WWTR1: variants seen among roughly 807,000 people sequenced by gnomAD.
WWTR1 encodes WW domain containing transcription regulator 1, also known as WW domain-containing transcription regulator protein 1.
In WWTR1, 13 loss-of-function variants were observed where a neutral mutation model predicts 40.1. That is an observed-to-expected ratio of 0.32 (90% CI 0.21 to 0.52). The LOEUF (loss-of-function observed/expected upper bound fraction) is 0.52. WWTR1 is among the 20% of genes least tolerant of loss of function. The pLI is 0.97. For synonymous variants in WWTR1, 230 were observed against 210.1 expected (o/e 1.09, Z -0.82); for missense variants, 436 against 523.1 (o/e 0.83, Z 1.63).
At chr3:149,589,095 C>A (rs895414522) in intron 2 of WWTR1, among the ~76,000 whole-genome samples, 2 of 152,190 alleles carry the variant, frequency 1.3e-5, no homozygotes, top group Admixed American at 6.5e-5. Flanking sequence ...CTGCCCTCTC[C>A]TTGGGCAGAT....
chr3:149,602,783 GC>G (rs1330012482), intron 2 of WWTR1, among the ~76,000 whole-genome samples: 2 of 152,034 alleles, frequency 1.3e-5, no homozygotes, highest in African/African-American at 4.8e-5. Flanking sequence ...TCCTGCCTCA[GC>G]CTCCCGAGTT....
At chr3:149,545,986 A>T (rs1450606278) in intron 3 of WWTR1, among the ~76,000 whole-genome samples, 1 of 152,222 alleles carries the variant, frequency 6.6e-6, no homozygotes, top group Non-Finnish European at 1.5e-5. Flanking sequence ...AGTGTACTGT[A>T]TTACTGAAAG....
chr3:149,645,566 C>A (rs1364228646), intron 2 of WWTR1, among the ~76,000 whole-genome samples: 1 of 152,088 alleles, frequency 6.6e-6, no homozygotes, highest in African/African-American at 2.4e-5. Flanking sequence ...AAAACAAACC[C>A]CAAAATAAAT....
In WWTR1 at chr3:149,520,709, A is replaced by C; in HGVS notation, c.*96T>G. 8.6e-7 allele frequency: 1 copy of C among 1,160,096 alleles called. No individual in the cohort carries two copies. The highest frequency in any genetic ancestry group is 1.2e-6 in the Non-Finnish European group (1 of 865,770). The allele number at this position is 1,160,096 out of a possible 1,614,324, so 71.9% of individuals were successfully genotyped here. A position where few individuals can be genotyped will look rare whatever the true frequency, so the allele number is the denominator to read the frequency against. ...GGGAGCACGAGTCATGGAGGCGGGA[A>C]GTGGTGCACCTGCAGACTTGCTCTG... On this transcript the variant is annotated 3_prime_UTR_variant, in exon 7 of 7. Transcript: ENST00000360632.
chr3:149,619,884 G>A (rs978919006), intron 2 of WWTR1, among the ~76,000 whole-genome samples: 10 of 152,062 alleles, frequency 6.6e-5, no homozygotes, highest in Admixed American at 5.2e-4. Flanking sequence ...CAATGGTCTC[G>A]TTCTCTCAGG....
At chr3:149,676,820 C>T (rs1211003649) in intron 1 of WWTR1, among the ~76,000 whole-genome samples, 1 of 151,862 alleles carries the variant, frequency 6.6e-6, no homozygotes, top group African/African-American at 2.4e-5. Context: ...TAGTGAAAGT[C>T]AGCAAAAGAG....
chr3:149,564,628 C>T (rs529534266), intron 3 of WWTR1, among the ~76,000 whole-genome samples: 5 of 151,940 alleles, frequency 3.3e-5, no homozygotes, highest in Non-Finnish European at 7.4e-5. Flanking sequence ...ACTTACTCAA[C>T]ACATTTATTC....
intron 1 of WWTR1, among the ~76,000 whole-genome samples, chr3:149,687,876 C>T (rs750169530): frequency 6.6e-6 from 1 of 152,022 alleles, no homozygotes; most frequent in Non-Finnish European, 1.5e-5. Context: ...AACCCACTGT[C>T]CTGAAGGGAG....
intron 2 of WWTR1, among the ~76,000 whole-genome samples, chr3:149,594,200 T>G (rs778438629): frequency 2.6e-5 from 4 of 152,210 alleles, no homozygotes; most frequent in Non-Finnish European, 5.9e-5. Flanking sequence ...AGTTTCCATA[T>G]AGCAGAAGCC....
intron 3 of WWTR1, among the ~76,000 whole-genome samples, chr3:149,571,603 C>A (rs189994854): frequency 1.6e-3 from 245 of 152,282 alleles, no homozygotes; most frequent in Admixed American, 3.0e-3. Context: ...GTTCAGACTT[C>A]CTGGAAGAAC....
intron 5 of WWTR1, among the ~76,000 whole-genome samples, chr3:149,712,431 C>T (rs1434006180): frequency 1.3e-5 from 2 of 152,146 alleles, no homozygotes; most frequent in Non-Finnish European, 2.9e-5. Context: ...ATAGCTGTGG[C>T]TCTCTCATGA....
At chr3:149,648,833 G>C (rs1300335880) in intron 2 of WWTR1, among the ~76,000 whole-genome samples, 1 of 152,136 alleles carries the variant, frequency 6.6e-6, no homozygotes, top group Admixed American at 6.5e-5. Flanking sequence ...TAGGACCACA[G>C]GTCGAAACCA....
At chr3:149,622,959 C>T (rs1426965826) in intron 2 of WWTR1, among the ~76,000 whole-genome samples, 1 of 152,180 alleles carries the variant, frequency 6.6e-6, no homozygotes, top group Non-Finnish European at 1.5e-5. Context: ...ATTATTCTTT[C>T]CTTACTATCC....
intron 3 of WWTR1, among the ~76,000 whole-genome samples, chr3:149,549,703 G>A (rs1287015548): frequency 2.0e-5 from 3 of 152,120 alleles, no homozygotes; most frequent in Non-Finnish European, 2.9e-5. Flanking sequence ...GCTGGGCATG[G>A]TGGCATGCAT....
intron 2 of WWTR1, among the ~76,000 whole-genome samples, chr3:149,631,493 C>T (rs528578361): frequency 5.9e-5 from 9 of 152,168 alleles, no homozygotes; most frequent in Admixed American, 1.3e-4. Context: ...TCAGTCTTCA[C>T]GTACAAACCC....
intron 3 of WWTR1, among the ~76,000 whole-genome samples, chr3:149,557,180 C>T (rs1405748757): frequency 2.0e-5 from 3 of 146,364 alleles, no homozygotes; most frequent in Non-Finnish European, 4.5e-5. Context: ...AAGCGATTCT[C>T]TTACCTCAGC....
At chr3:149,668,913 T>C (rs1713951075) in intron 2 of WWTR1, among the ~76,000 whole-genome samples, 1 of 152,172 alleles carries the variant, frequency 6.6e-6, no homozygotes, top group Non-Finnish European at 1.5e-5. Flanking sequence ...AAGACAAGCA[T>C]AATCTAGTGG....
chr3:149,566,812 G>GA (rs1166961307), intron 3 of WWTR1, among the ~76,000 whole-genome samples: 6,526 of 108,914 alleles, frequency 0.06, 237 homozygotes, highest in African/African-American at 0.13. Flanking sequence ...GCCCTGAAAA[G>GA]AAAAAAAAAA....
At chr3:149,637,919 T>C (rs1045929043) in intron 2 of WWTR1, among the ~76,000 whole-genome samples, 6 of 152,054 alleles carry the variant, frequency 3.9e-5, no homozygotes, top group Admixed American at 1.3e-4. Flanking sequence ...CTACTCTGTA[T>C]GACATATGCA....
Sources: allele counts gnomAD v4.1 joint callset (sites outside exome capture counted in the v4.1 genomes callset), GRCh38; gene constraint gnomAD v4.1.1; transcripts MANE v1.5; gene names NCBI Gene and HGNC (gene_info 2026-07-23, HGNC 2026-07-21).